The following ANKRD27 variants were observed in gnomAD, a reference collection of about 807,000 sequenced individuals.
The protein encoded by ANKRD27 is ankyrin repeat domain-containing protein 27.
ANKRD27 carries 112 observed loss-of-function variants against 129.7 expected under a neutral mutation model. The observed-to-expected ratio is 0.86, with a 90% CI of 0.74 to 1.01. ANKRD27 has a LOEUF of 1.01. ANKRD27 is among the 50% of genes least tolerant of loss of function. The pLI, the probability that ANKRD27 is intolerant of heterozygous loss-of-function variation, is 0.00. For missense variants in ANKRD27, 1,258 were observed against 1,300.5 expected (o/e 0.97, Z 0.50); for synonymous variants, 516 against 511.2 (o/e 1.01, Z -0.13).
At chr19:32,617,456 A>G (rs907165287) in intron 21 of ANKRD27, 133 bp downstream of exon 21, 1 of 483,214 alleles carries the variant, frequency 2.1e-6, no homozygotes, top group Admixed American at 3.5e-5. Context: ...CTGAGGCAAG[A>G]GGATTGCTTG....
At chr19:32,670,809 T>G (rs1170893544) in intron 1 of ANKRD27, among the ~76,000 whole-genome samples, 4 of 150,514 alleles carry the variant, frequency 2.7e-5, no homozygotes, top group Non-Finnish European at 5.9e-5. Context: ...CTGGCCAACA[T>G]GGTGAAACCC....
intron 3 of ANKRD27, among the ~76,000 whole-genome samples, chr19:32,646,967 A>C (rs1967315766): frequency 6.6e-6 from 1 of 152,074 alleles, no homozygotes; most frequent in South Asian, 2.1e-4. Flanking sequence ...GTGGCACTAC[A>C]GGCACCCACC....
At chr19:32,622,280 G>C in intron 18 of ANKRD27, 142 bp downstream of exon 18, 2 of 849,364 alleles carry the variant, frequency 2.4e-6, no homozygotes, top group Non-Finnish European at 3.8e-6. Flanking sequence ...TAATGATGAC[G>C]TCCCACATGC....
chr19:32,673,185 G>A, intron 1 of ANKRD27: 3 of 659,622 alleles, frequency 4.5e-6, no homozygotes, highest in Non-Finnish European at 5.6e-6. Context: ...CAGGGAAGCT[G>A]CCGGCCAAGA....
intron 1 of ANKRD27, among the ~76,000 whole-genome samples, chr19:32,663,471 T>G (rs968119985): frequency 1.3e-5 from 2 of 152,234 alleles, no homozygotes; most frequent in African/African-American, 2.4e-5. Context: ...AGTTTTCTAT[T>G]TTTAGGTCTT....
chr19:32,641,550 G>A (rs1478274945), intron 10 of ANKRD27, among the ~76,000 whole-genome samples: 1 of 152,090 alleles, frequency 6.6e-6, no homozygotes, highest in Non-Finnish European at 1.5e-5. Context: ...AGAGGCTCCT[G>A]CTGTTGCTTC....
At chr19:32,599,295 A>AT (rs1971615250) in intron 28 of ANKRD27, among the ~76,000 whole-genome samples, 2 of 150,776 alleles carry the variant, frequency 1.3e-5, no homozygotes, top group South Asian at 2.2e-4. Context: ...AAATAAATAA[A>AT]AAAATGTAGT....
rs1026571379 is a variant in ANKRD27, at chr19:32,667,159, G to A, written c.-31+7912C>T. The stretch of plus-strand genomic sequence containing the variant: ...TTGTGAGAATTAGAAACAGGCACCC[G>A]ACTTCCCAGGGGGCGCAGCTCTGTG... On this transcript the variant is annotated intron_variant, in intron 1 of 28. Transcript: ENST00000306065. Among the ~76,000 whole-genome samples the A allele has an allele frequency of 3.9e-5, 6 of 152,230 alleles. No homozygotes were observed. The East Asian group carries it at 5.8e-4, about 15-fold the overall frequency.
Position 32,619,615 on chromosome 19 carries a change from C to T in ANKRD27, c.1828-62G>A, listed in dbSNP as rs1375646984. 8.2e-6 allele frequency: 13 copies of T among 1,586,552 alleles called. No individual in the cohort carries two copies. The African/African-American group carries it at 1.1e-4, about 13-fold the overall frequency. The stretch of plus-strand genomic sequence containing the variant: ...AGATGGGGGTCGTCTCAGCACAGTG[C>T]CATCACCCACACGCCCCACTGCCGG... On this transcript the variant is annotated intron_variant, in intron 18 of 28. Transcript: ENST00000306065.
intron 18 of ANKRD27, 73 bp downstream of exon 18, chr19:32,622,349 A>T (rs1972022978): frequency 6.6e-7 from 1 of 1,525,500 alleles, no homozygotes; most frequent in African/African-American, 1.4e-5. Context: ...TTTGTCTAGT[A>T]GGCCAAGACC....
At chr19:32,619,236 C>A in intron 20 of ANKRD27, 24 bp downstream of exon 20, 1 of 1,602,444 alleles carries the variant, frequency 6.2e-7, no homozygotes, top group South Asian at 1.1e-5. Flanking sequence ...CTCCCCTCCC[C>A]AGCCCTTCCT....
intron 22 of ANKRD27, among the ~76,000 whole-genome samples, chr19:32,611,592 T>C (rs1343059653): frequency 6.6e-6 from 1 of 152,196 alleles, no homozygotes; most frequent in Non-Finnish European, 1.5e-5. Context: ...TCCATTTTCT[T>C]TTTTTTGAGA....
chr19:32,615,826 T>A, intron 21 of ANKRD27, 46 bp from the exon 22 acceptor site: 1 of 1,593,588 alleles, frequency 6.3e-7, no homozygotes, highest in South Asian at 1.1e-5. Context: ...CTCAGCGTCT[T>A]TGCATGCACA....
At position 32,619,963 on chromosome 19, in the gene ANKRD27, G is replaced by C. The variant is rs1465221512; in HGVS notation, c.1828-410C>G. Reference sequence around the variant, plus strand: ...AGGTCTCAAGTAGGAACAGCTCAGAGCCAAGCCGAGAAGGCAGCCTCTCTT... The same window carrying C: ...AGGTCTCAAGTAGGAACAGCTCAGACCCAAGCCGAGAAGGCAGCCTCTCTT... On this transcript the variant is annotated intron_variant, in intron 18 of 28. Coordinates refer to ENST00000306065, the MANE Select transcript of ANKRD27 (RefSeq NM_032139.3). Among the ~76,000 whole-genome samples the C allele has an allele frequency of 2.6e-5, 4 of 152,256 alleles. No individual in the cohort carries two copies. The East Asian group carries it at 7.8e-4, about 30-fold the overall frequency.
chr19:32,645,368 C>T (rs564667885), intron 4 of ANKRD27, among the ~76,000 whole-genome samples: 3 of 152,020 alleles, frequency 2.0e-5, no homozygotes, highest in South Asian at 2.1e-4. Context: ...GCCAAGATTG[C>T]GCCACTGCAC....
At chr19:32,634,074 G>A (rs1236524882) in intron 12 of ANKRD27, among the ~76,000 whole-genome samples, 15 of 152,252 alleles carry the variant, frequency 9.9e-5, no homozygotes, top group Admixed American at 9.2e-4. Context: ...ATATTTTGCA[G>A]AGAAAATTTC....
intron 1 of ANKRD27, among the ~76,000 whole-genome samples, chr19:32,669,093 G>A (rs972960811): frequency 6.6e-6 from 1 of 152,156 alleles, no homozygotes; most frequent in African/African-American, 2.4e-5. Context: ...ATTACAGCGT[G>A]AGCAACCATG....
intron 1 of ANKRD27, among the ~76,000 whole-genome samples, chr19:32,667,837 A>AAAG: frequency 6.6e-6 from 1 of 151,922 alleles, no homozygotes; most frequent in Non-Finnish European, 1.5e-5. Context: ...CGTCTCAAAA[A>AAAG]AAAAAAAAAA....
chr19:32,617,207 G>A (rs1413639072), intron 21 of ANKRD27, among the ~76,000 whole-genome samples: 3 of 152,124 alleles, frequency 2.0e-5, no homozygotes, highest in Admixed American at 2.0e-4. Flanking sequence ...AAGAAACACA[G>A]GTGGGTGGCT....
Sources: gnomAD v4.1 joint callset for allele counts (sites outside exome capture counted in the v4.1 genomes callset) on GRCh38, gnomAD v4.1.1 for gene constraint, MANE v1.5 for transcripts, NCBI Gene and HGNC (gene_info 2026-07-23, HGNC 2026-07-21) for gene names.